The following MZF1 variants were observed in gnomAD, a reference collection of about 807,000 sequenced individuals.
MZF1 encodes the protein zinc finger and SCAN domain-containing protein 6.
Under a neutral mutation model 28.6 loss-of-function variants are expected in MZF1, and 24 were observed. That is an observed-to-expected ratio of 0.84 (90% CI 0.61 to 1.18). The LOEUF (loss-of-function observed/expected upper bound fraction) is 1.18, where lower values mean the gene tolerates loss of function less well. Among genes scored for constraint, MZF1 ranks in the 50% most tolerant of loss-of-function variants. MZF1 has a pLI of 0.00. For synonymous variants in MZF1, 516 were observed against 432.5 expected (o/e 1.19, Z -2.40); for missense variants, 1,166 against 1,026.4 (o/e 1.14, Z -1.86).
rs2054158159 is a variant in MZF1, at chr19:58,571,262, G to C, written c.128C>G (p.Ala43Gly). Reference sequence around the variant, plus strand: ...GCGGAAGCACCGGAAACGCAGGCGTGCAGCTTCAGGGCCTGGGTCCCATAA... The same window carrying C: ...GCGGAAGCACCGGAAACGCAGGCGTCCAGCTTCAGGGCCTGGGTCCCATAA... ...AALWDPGPEAARLRFRCFRYE... is the reference protein window; with the variant it reads ...AALWDPGPEAGRLRFRCFRYE... The change falls in exon 2 of 6, where the codon GCA becomes GGA. Residue 43 changes from alanine to glycine, a missense_variant. Physicochemically the swap from Ala to Gly is moderately conservative, Grantham distance 60. Transcript: ENST00000215057. The C allele has an allele frequency of 6.2e-7, 1 of 1,613,164 alleles. No individual in the cohort carries two copies. Among genetic ancestry groups the C allele is most frequent in the Non-Finnish European group, 8.5e-7 (1 of 1,179,612 alleles).
chr19:58,569,465 C>T, intron 4 of MZF1, 51 bp downstream of exon 4: 1 of 1,613,390 alleles, frequency 6.2e-7, no homozygotes, highest in African/African-American at 1.3e-5. Flanking sequence ...CCTGACCCCA[C>T]CCAGCAACTT....
In MZF1 at chr19:58,570,477, G is replaced by A; in HGVS notation, c.447C>T (p.Pro149=). ...TTTCAGGTAGGGGCTGGAAACTGGA[G>A]GGCTCCATCTTCTCTGATAGGACCT... is the stretch of plus-strand genomic sequence containing the variant. ...GQEVLSEKME[P]SSFQPLPETE... The change falls in exon 3 of 6, where the codon CCC becomes CCT. Residue 149 remains proline (P), a synonymous_variant. Transcript: ENST00000215057. 6.2e-7 allele frequency: 1 copy of A among 1,613,892 alleles called. No individual in the cohort carries two copies. Among genetic ancestry groups the A allele is most frequent in the Non-Finnish European group, 8.5e-7 (1 of 1,179,854 alleles).
At position 58,569,856 on chromosome 19, in the gene MZF1, G is replaced by A. The variant is rs189893555; in HGVS notation, c.581-270C>T. 3.7e-3 allele frequency: 1,673 copies of A among 457,842 alleles called. 11 individuals carry two copies. The highest frequency in any genetic ancestry group is 4.4e-3 in the Non-Finnish European group (1,116 of 253,628). 28.4% of individuals were successfully genotyped at this position (457,842 alleles called of 1,614,324 possible). On this transcript the variant is annotated intron_variant, in intron 3 of 5. Transcript: ENST00000215057. ...TGTGAACCATGGGGCAAGGTGGTCA[G>A]CGGGGGTCAGAGGTATTGTACAAGG...
At chr19:58,565,304 G>A (rs193062627) in intron 5 of MZF1, among the ~76,000 whole-genome samples, 924 of 148,106 alleles carry the variant, frequency 6.2e-3, no homozygotes, top group Non-Finnish European at 9.5e-3. Flanking sequence ...ATGTTGGTCA[G>A]GCTGGTCTCG....
At chr19:58,563,680 T>C (rs1444694752) in intron 5 of MZF1, 176 bp from the exon 6 acceptor site, 2 of 564,996 alleles carry the variant, frequency 3.5e-6, no homozygotes, top group Non-Finnish European at 6.2e-6. Context: ...GATGAGGTGA[T>C]AATGAGACAG....
In MZF1 at chr19:58,563,323, C is replaced by T. The variant is rs1040519828; in HGVS notation, c.954G>A (p.Thr318=). Residue 318 remains threonine, a synonymous_variant, in exon 6 of 6, where the codon ACG becomes ACA. Transcript: ENST00000215057. ...CCACACCCCGGCAGGGATCCTCGTC[C>T]GTGGGGTCCTGTTCACTCCTCAGAT... ...PSDLRSEQDP[T]DEDPCRGVGP... The T allele has an allele frequency of 1.2e-6, 2 of 1,609,006 alleles. No homozygotes were observed. Among genetic ancestry groups the T allele is most frequent in the Admixed American group, 1.7e-5 (1 of 59,434 alleles).
At position 58,562,344 on chromosome 19, in the gene MZF1, G is replaced by A; in HGVS notation, c.1933C>T (p.Arg645Cys). The A allele has an allele frequency of 1.2e-6, 2 of 1,609,738 alleles. No homozygotes were observed. The highest frequency in any genetic ancestry group is 1.7e-6 in the Non-Finnish European group (2 of 1,178,680). Reference sequence around the variant, plus strand: ...AAGGGCCGTTCGCCCGTGTGGATGCGCTGGTGCTCGGTGAGCCGCGAGACC... The same window carrying A: ...AAGGGCCGTTCGCCCGTGTGGATGCACTGGTGCTCGGTGAGCCGCGAGACC... ...TQVSRLTEHQRIHTGERPFAC... is the reference protein window; with the variant it reads ...TQVSRLTEHQCIHTGERPFAC... Residue 645 changes from arginine to cysteine, a missense_variant, in exon 6 of 6, where the codon CGC becomes TGC. Physicochemically the swap from Arg to Cys is radical, Grantham distance 180. Transcript: ENST00000215057.
chr19:58,562,027 G>A lies in MZF1; in HGVS notation c.*45C>T, dbSNP rs1241901028. 1.3e-6 allele frequency: 2 copies of A among 1,522,194 alleles called. No individual in the cohort carries two copies. 94.3% of individuals were successfully genotyped at this position (1,522,194 alleles called of 1,614,324 possible). A position where few individuals can be genotyped will look rare whatever the true frequency, so the allele number is the denominator to read the frequency against. On this transcript the variant is annotated 3_prime_UTR_variant, in exon 6 of 6. Transcript: ENST00000215057. ...CGCCAGCCTCACAATAACCAGGGGAGGTAGGTGTTCTGACCATGGCGGACA... is the reference window on the plus strand; with the variant it reads ...CGCCAGCCTCACAATAACCAGGGGAAGTAGGTGTTCTGACCATGGCGGACA...
chr19:58,569,201 G>A, intron 5 of MZF1, 76 bp downstream of exon 5: 1 of 1,486,754 alleles, frequency 6.7e-7, no homozygotes, highest in East Asian at 2.3e-5. Context: ...TGCCTGCGTA[G>A]GGCCAGGAGT....
At chr19:58,571,516 G>A (rs180922220) in intron 1 of MZF1, 87 bp from the exon 2 acceptor site, 204 of 1,221,650 alleles carry the variant, frequency 1.7e-4, no homozygotes, top group African/African-American at 5.2e-4. Context: ...TTGATCCTCA[G>A]ACCTACCCCA....
Position 58,562,191 on chromosome 19 carries a change from G to T in MZF1, c.2086C>A (p.Leu696Ile), listed in dbSNP as rs1327883861. 1 of 1,606,912 alleles carries T rather than the reference G, an allele frequency of 6.2e-7. No homozygotes were observed. The highest frequency in any genetic ancestry group is 8.5e-7 in the Non-Finnish European group (1 of 1,178,650). Reference protein sequence around the residue: ...CGKAFRQRPTLTQHLRTHRRE... With the variant: ...CGKAFRQRPTITQHLRTHRRE... ...CGGTGGGTGCGCAGATGCTGCGTGA[G>T]CGTGGGCCGCTGGCGGAAGGCCTTG... The change falls in exon 6 of 6, where the codon CTC becomes ATC. Residue 696 changes from leucine (L) to isoleucine (I), a missense_variant. Coordinates refer to ENST00000215057, the MANE Select transcript of MZF1 (RefSeq NM_198055.2).
At position 58,562,182 on chromosome 19, in the gene MZF1, G is replaced by A; in HGVS notation, c.2095C>T (p.His699Tyr). ...TTCTCTCGTCGGTGGGTGCGCAGAT[G>A]CTGCGTGAGCGTGGGCCGCTGGCGG... ...AFRQRPTLTQ[H>Y]LRTHRREKPF... is the part of the protein sequence containing the mutation. Residue 699 changes from histidine to tyrosine, a missense_variant, in exon 6 of 6, where the codon CAT becomes TAT. Coordinates refer to ENST00000215057, the MANE Select transcript of MZF1 (RefSeq NM_198055.2). The A allele has an allele frequency of 1.2e-6, 2 of 1,604,668 alleles. No individual in the cohort carries two copies.
intron 5 of MZF1, chr19:58,563,828 A>C: frequency 4.3e-6 from 1 of 231,720 alleles, no homozygotes; most frequent in Middle Eastern, 1.4e-3. Context: ...GTCTCAGCAA[A>C]TGCAGGGAAG....
chr19:58,568,435 G>A (rs1451022421), intron 5 of MZF1: 1 of 152,126 alleles, frequency 6.6e-6, no homozygotes, highest in Non-Finnish European at 1.5e-5. Context: ...ACAGGGAGCA[G>A]AGCAATAGAA....
At chr19:58,568,739 C>T (rs2054102231) in intron 5 of MZF1, 2 of 153,240 alleles carry the variant, frequency 1.3e-5, no homozygotes, top group African/African-American at 4.8e-5. Context: ...AGGAACATAA[C>T]AGAAGATGGG....
chr19:58,562,026 AG>A lies in MZF1; in HGVS notation c.*45del. 1 of 1,518,602 alleles carries A rather than the reference AG, an allele frequency of 6.6e-7. No individual in the cohort carries two copies. Among genetic ancestry groups the A allele is most frequent in the Non-Finnish European group, 8.9e-7 (1 of 1,127,790 alleles). The allele number at this position is 1,518,602 out of a possible 1,614,324, so 94.1% of individuals were successfully genotyped here. A position where few individuals can be genotyped will look rare whatever the true frequency, so the allele number is the denominator to read the frequency against. ...TCGCCAGCCTCACAATAACCAGGGG[AG>A]GTAGGTGTTCTGACCATGGCGGACA... On this transcript the variant is annotated 3_prime_UTR_variant, in exon 6 of 6. Coordinates refer to ENST00000215057, the MANE Select transcript of MZF1 (RefSeq NM_198055.2).
chr19:58,565,240 A>G (rs957682087), intron 5 of MZF1, among the ~76,000 whole-genome samples: 1 of 151,348 alleles, frequency 6.6e-6, no homozygotes, highest in African/African-American at 2.4e-5. Context: ...GATTACAGGC[A>G]TGCACCACCA....
Position 58,562,040 on chromosome 19 carries a change from AC to A in MZF1, c.*31del. ...ATAACCAGGGGAGGTAGGTGTTCTG[AC>A]CATGGCGGACACAGTGCGTCCCGGC... On this transcript the variant is annotated 3_prime_UTR_variant, in exon 6 of 6. Transcript: ENST00000215057. The A allele has an allele frequency of 6.5e-7, 1 of 1,540,288 alleles. No homozygotes were observed.
chr19:58,569,425 T>A (rs560690842), intron 4 of MZF1, 28 bp from the exon 5 acceptor site: 1 of 1,614,056 alleles, frequency 6.2e-7, no homozygotes. Context: ...ACTGCTCCTC[T>A]GTGCCTGGCT....
Sources: allele counts gnomAD v4.1 joint callset (sites outside exome capture counted in the v4.1 genomes callset), GRCh38; gene constraint gnomAD v4.1.1; transcripts MANE v1.5; gene names NCBI Gene and HGNC (gene_info 2026-07-23, HGNC 2026-07-21).